MICU1: variants seen among roughly 807,000 people sequenced by gnomAD.
The protein encoded by MICU1 is calcium uptake protein 1, mitochondrial.
Under a neutral mutation model 56.8 loss-of-function variants are expected in MICU1, and 45 were observed. The observed-to-expected ratio is 0.79, with a 90% CI of 0.62 to 1.02. MICU1 has a LOEUF of 1.02. Ranked by LOEUF, MICU1 falls within the 50% of genes least tolerant of loss-of-function variation. The probability of loss-of-function intolerance (pLI) is 0.00; values close to 1 mark genes in which losing one functional copy is unlikely to be tolerated. For missense variants in MICU1, 504 were observed against 587.1 expected (o/e 0.86, Z 1.46); for synonymous variants, 186 against 195.1 (o/e 0.95, Z 0.39).
At chr10:72,395,237 G>C (rs559135082) in intron 10 of MICU1, among the ~76,000 whole-genome samples, 2 of 151,890 alleles carry the variant, frequency 1.3e-5, no homozygotes, top group Non-Finnish European at 2.9e-5. Context: ...GGATGGTCTC[G>C]ATCTCCTGAC....
At position 72,511,101 on chromosome 10, in the gene MICU1, A is replaced by G. The variant is rs1719892769; in HGVS notation, c.538-2832T>C. The stretch of plus-strand genomic sequence containing the variant: ...TTTCTTTGTCCTTATTTTTTCCTGT[A>G]GAGGTTTATTGGTTTTGATTGTGAT... On this transcript the variant is annotated intron_variant, in intron 5 of 11. Coordinates refer to ENST00000361114, the MANE Select transcript of MICU1 (RefSeq NM_001195518.2). Among the ~76,000 whole-genome samples, 2 of 152,282 alleles carry G rather than the reference A, an allele frequency of 1.3e-5. 1 individual carries two copies. Among genetic ancestry groups the G allele is most frequent in the African/African-American group, 4.8e-5 (2 of 41,564 alleles).
intron 2 of MICU1, among the ~76,000 whole-genome samples, chr10:72,566,093 G>C (rs943048703): frequency 2.9e-5 from 4 of 137,060 alleles, no homozygotes; most frequent in Admixed American, 1.6e-4. Context: ...ACCCAGGCTG[G>C]AGTACAATGG....
chr10:72,390,781 C>T (rs1822905212), intron 10 of MICU1, among the ~76,000 whole-genome samples: 1 of 152,212 alleles, frequency 6.6e-6, no homozygotes, highest in Non-Finnish European at 1.5e-5. Flanking sequence ...ATTAGGGCCT[C>T]CACTTTTAAG....
intron 9 of MICU1, 98 bp downstream of exon 9, chr10:72,423,136 T>C (rs1589200954): frequency 4.1e-6 from 6 of 1,468,566 alleles, no homozygotes; most frequent in East Asian, 4.6e-5. Flanking sequence ...TAATCATTGG[T>C]TCATGAAATA....
intron 8 of MICU1, among the ~76,000 whole-genome samples, chr10:72,460,967 CTA>C (rs1865622279): frequency 6.6e-6 from 1 of 151,962 alleles, no homozygotes; most frequent in Non-Finnish European, 1.5e-5. Flanking sequence ...CTAAAGATGG[CTA>C]TAAGAGGGAT....
chr10:72,432,445 G>GT (rs1438048275), intron 8 of MICU1, among the ~76,000 whole-genome samples: 1 of 152,122 alleles, frequency 6.6e-6, no homozygotes, highest in East Asian at 1.9e-4. Flanking sequence ...TTTGCCCAGT[G>GT]TATTAGTCCA....
At chr10:72,614,809 T>C (rs1330615269) in intron 1 of MICU1, among the ~76,000 whole-genome samples, 2 of 152,148 alleles carry the variant, frequency 1.3e-5, no homozygotes, top group Non-Finnish European at 1.5e-5. Flanking sequence ...GGGTTTCAGT[T>C]TGGGAAGTAG....
At chr10:72,499,220 T>C (rs2132322822) in intron 6 of MICU1, among the ~76,000 whole-genome samples, 1 of 152,304 alleles carries the variant, frequency 6.6e-6, no homozygotes, top group Admixed American at 6.5e-5. Flanking sequence ...TCACAAGCAA[T>C]TATTCCCAAA....
intron 6 of MICU1, among the ~76,000 whole-genome samples, chr10:72,505,932 C>T (rs1867232418): frequency 6.7e-6 from 1 of 149,376 alleles, no homozygotes; most frequent in African/African-American, 2.5e-5. Context: ...ATATAACAAA[C>T]TTGTACGTGT....
intron 6 of MICU1, among the ~76,000 whole-genome samples, chr10:72,491,567 G>T (rs941377224): frequency 2.6e-5 from 4 of 152,206 alleles, no homozygotes; most frequent in Non-Finnish European, 5.9e-5. Context: ...ATGTAACTTG[G>T]GTCAGGTGTG....
At chr10:72,569,235 ATATTT>A (rs1403763126) in intron 1 of MICU1, among the ~76,000 whole-genome samples, 1 of 42,572 alleles carries the variant, frequency 2.3e-5, no homozygotes, top group African/African-American at 9.5e-5. Context: ...ATATATATAT[ATATTT>A]TTTTTTTTTT....
intron 8 of MICU1, among the ~76,000 whole-genome samples, chr10:72,469,587 A>G (rs1865891140): frequency 6.6e-6 from 1 of 152,238 alleles, no homozygotes; most frequent in Admixed American, 6.5e-5. Context: ...CCTTTCAATC[A>G]TCCAAGTGAG....
intron 1 of MICU1, among the ~76,000 whole-genome samples, chr10:72,598,908 A>G (rs913583773): frequency 1.3e-5 from 2 of 150,562 alleles, no homozygotes; most frequent in Non-Finnish European, 3.0e-5. Flanking sequence ...TTTTTTTCCC[A>G]TTCATATCTT....
chr10:72,477,452 A>G, intron 6 of MICU1, 196 bp from the exon 7 acceptor site: 3 of 1,478,034 alleles, frequency 2.0e-6, no homozygotes, highest in Non-Finnish European at 2.7e-6. Flanking sequence ...TGAAACCAAA[A>G]AAGAGTAGTA....
intron 5 of MICU1, 144 bp downstream of exon 5, chr10:72,533,602 A>G: frequency 1.8e-6 from 1 of 567,350 alleles, no homozygotes; most frequent in Non-Finnish European, 3.0e-6. Flanking sequence ...AGGTATGTAG[A>G]GGCACAGACC....
chr10:72,565,256 T>G (rs958148566), intron 2 of MICU1, among the ~76,000 whole-genome samples: 1 of 151,700 alleles, frequency 6.6e-6, no homozygotes, highest in African/African-American at 2.4e-5. Flanking sequence ...CCAACAATGA[T>G]AGACTGGATT....
At chr10:72,526,842 T>A (rs1286542459) in intron 5 of MICU1, among the ~76,000 whole-genome samples, 2 of 151,640 alleles carry the variant, frequency 1.3e-5, no homozygotes, top group Admixed American at 1.3e-4. Context: ...TACCTAATAC[T>A]GTTTGCTCAA....
At chr10:72,477,311 T>C in intron 6 of MICU1, 55 bp from the exon 7 acceptor site, 1 of 1,398,764 alleles carries the variant, frequency 7.1e-7, no homozygotes, top group Non-Finnish European at 9.7e-7. Flanking sequence ...ATAAATCCCT[T>C]TTTAAAGAAA....
intron 8 of MICU1, among the ~76,000 whole-genome samples, chr10:72,452,549 C>G (rs986633433): frequency 2.0e-5 from 3 of 152,100 alleles, no homozygotes; most frequent in African/African-American, 7.2e-5. Context: ...TGAGACTGCA[C>G]AGATGATGGT....
Sources: allele counts gnomAD v4.1 joint callset (sites outside exome capture counted in the v4.1 genomes callset), GRCh38; gene constraint gnomAD v4.1.1; transcripts MANE v1.5; gene names NCBI Gene and HGNC (gene_info 2026-07-23, HGNC 2026-07-21).